The following ATG2B variants were observed in gnomAD, a reference collection of about 807,000 sequenced individuals.
ATG2B encodes the protein autophagy-related protein 2 homolog B.
Under a neutral mutation model 241.3 loss-of-function variants are expected in ATG2B, and 121 were observed. The ratio of observed to expected loss-of-function variants is 0.50; its 90% confidence interval spans 0.43 to 0.58. The LOEUF is 0.58. Ranked by LOEUF, ATG2B falls within the 20% of genes least tolerant of loss-of-function variation. The pLI is 0.00. For synonymous variants in ATG2B, 858 were observed against 876.6 expected (o/e 0.98, Z 0.37); for missense variants, 2,306 against 2,491.6 (o/e 0.93, Z 1.59).
Position 96,333,807 on chromosome 14 carries a change from T to A in ATG2B, c.1088A>T (p.Glu363Val). ...GTTTAATTCCATCTGAATTCGATAC[T>A]CGTCTTCCTGCTGCATGGGTCGATT... is the stretch of plus-strand genomic sequence containing the variant. The part of the protein sequence containing the change: ...RKNRPMQQED[E>V]YRIQMELNRY... Residue 363 changes from glutamate (E) to valine (V), a missense_variant, in exon 8 of 42, where the codon GAG (glutamate) becomes GTG (valine). This residue lies in a region of ATG2B where 1,927 missense variants were observed against 2,011.2 expected (regional missense o/e 0.96). Transcript: ENST00000359933. 1 of 1,614,000 alleles carries A rather than the reference T, an allele frequency of 6.2e-7. No individual in the cohort carries two copies. The highest frequency in any genetic ancestry group is 8.5e-7 in the Non-Finnish European group (1 of 1,179,900).
At position 96,308,270 on chromosome 14, in the gene ATG2B, A is replaced by G. The variant is rs867889075; in HGVS notation, c.4303+1183T>C. Reference sequence around the variant, plus strand: ...TATATATACACACATATATATATATATATATATATATATTTTTTTTTTTTT... The same window carrying G: ...TATATATACACACATATATATATATGTATATATATATATTTTTTTTTTTTT... On this transcript the variant is annotated intron_variant, in intron 29 of 41. Coordinates refer to ENST00000359933, the MANE Select transcript of ATG2B (RefSeq NM_018036.7). 1.3e-3 allele frequency among the ~76,000 whole-genome samples: 37 copies of G among 27,890 alleles called. 3 individuals are homozygous for G. Among genetic ancestry groups the G allele is most frequent in the Non-Finnish European group, 1.7e-3 (28 of 16,934 alleles). The allele number at this position is 27,890 out of a possible 152,430, so 18.3% of individuals were successfully genotyped here.
chr14:96,341,645 G>A lies in ATG2B; in HGVS notation c.801C>T (p.His267=), dbSNP rs768674345. The A allele has an allele frequency of 6.3e-6, 10 of 1,597,890 alleles. No homozygotes were observed. In the South Asian group the frequency reaches 1.0e-4, roughly 16 times the overall value. ...SWNPKIIYEP[H]PQLTRNLPEI... ...CTGGTAAATTTCTAGTTAGCTGTGG[G>A]TGTGGCTCATAAATAATTTTGGGGT... is the stretch of plus-strand genomic sequence containing the variant. Residue 267 remains histidine, a synonymous_variant, in exon 6 of 42, where the codon CAC becomes CAT. Transcript: ENST00000359933.
intron 14 of ATG2B, 26 bp downstream of exon 14, chr14:96,328,321 A>C: frequency 3.3e-6 from 5 of 1,523,940 alleles, no homozygotes; most frequent in Non-Finnish European, 2.7e-6. Flanking sequence ...AATTATGATT[A>C]GTATTTGCAG....
intron 18 of ATG2B, among the ~76,000 whole-genome samples, chr14:96,321,190 T>C (rs1887448410): frequency 6.6e-6 from 1 of 152,106 alleles, no homozygotes; most frequent in African/African-American, 2.4e-5. Flanking sequence ...CAGGGTTTAT[T>C]ACTAACATTT....
Position 96,303,058 on chromosome 14 carries a change from T to TA in ATG2B, c.5037+2dup, listed in dbSNP as rs1645764848. On this transcript the variant is annotated splice_region_variant and intron_variant, in intron 33 of 41. Coordinates refer to ENST00000359933, the MANE Select transcript of ATG2B (RefSeq NM_018036.7). ...ATAACACAACGATGAGGTTAACTCT[T>TA]ACCATGTTGGAGTGAGCTTTTCGAG... 6.4e-7 allele frequency: 1 copy of TA among 1,566,732 alleles called. No homozygotes were observed. The highest frequency in any genetic ancestry group is 1.2e-5 in the South Asian group (1 of 83,992).
Position 96,313,099 on chromosome 14 carries a change from T to C in ATG2B, c.3808A>G (p.Ser1270Gly). The change falls in exon 25 of 42, where the codon AGC becomes GGC. Residue 1270 changes from serine to glycine, a missense_variant. This residue lies in a region of ATG2B where 1,927 missense variants were observed against 2,011.2 expected (regional missense o/e 0.96). Transcript: ENST00000359933. ...LTVETFSVSS[S>G]VALDKSSSTL... ...GAGGAAGATTTATCCAATGCAACGCTACTGGAAACACTGAATGTTTCCACG... is the reference window on the plus strand; with the variant it reads ...GAGGAAGATTTATCCAATGCAACGCCACTGGAAACACTGAATGTTTCCACG... 1.2e-6 allele frequency: 2 copies of C among 1,613,384 alleles called. No individual in the cohort carries two copies. Among genetic ancestry groups the C allele is most frequent in the Non-Finnish European group, 8.5e-7 (1 of 1,179,500 alleles).
In ATG2B at chr14:96,303,233, T is replaced by A. The variant is rs545591952; in HGVS notation, c.4865A>T (p.Tyr1622Phe). 2.5e-6 allele frequency: 4 copies of A among 1,593,460 alleles called. No individual in the cohort carries two copies. The African/African-American group carries it at 5.4e-5, about 21-fold the overall frequency. ...ATCACAATCAGGTTTGCATGGCGGG[T>A]AGACTTCATGCTGAAACTTCACCTT... ...LSKVKFQHEV[Y>F]PPCKPDCDSS... Residue 1622 changes from tyrosine to phenylalanine, a missense_variant, in exon 33 of 42, where the codon TAC becomes TTC. Around this residue, in one of 2 missense-constraint regions of ATG2B, gnomAD observed 1,927 missense variants for 2,011.2 expected, o/e 0.96. Transcript: ENST00000359933.
intron 6 of ATG2B, among the ~76,000 whole-genome samples, chr14:96,339,379 G>A (rs1006222449): frequency 2.3e-4 from 35 of 151,298 alleles, no homozygotes; most frequent in African/African-American, 7.8e-4. Context: ...TGTATGTGGT[G>A]TATATACACA....
chr14:96,302,162 T>C, intron 33 of ATG2B, 54 bp from the exon 34 acceptor site: 1 of 1,118,128 alleles, frequency 8.9e-7, no homozygotes, highest in Non-Finnish European at 1.3e-6. Flanking sequence ...ATGACCTTCT[T>C]CTCTTTAAAA....
intron 34 of ATG2B, 119 bp downstream of exon 34, chr14:96,301,887 GT>G (rs1370473923): frequency 5.2e-5 from 37 of 716,902 alleles, no homozygotes; most frequent in South Asian, 5.0e-4. Flanking sequence ...TTTATCAGAA[GT>G]TTGCTTTATA....
chr14:96,327,094 G>C (rs932880842), intron 14 of ATG2B, among the ~76,000 whole-genome samples: 1 of 152,024 alleles, frequency 6.6e-6, no homozygotes, highest in South Asian at 2.1e-4. Context: ...AACTTAACCG[G>C]GTGTGGTGGC....
chr14:96,295,126 T>C lies in ATG2B; in HGVS notation c.5260A>G (p.Arg1754Gly), dbSNP rs545059875. The C allele has an allele frequency of 6.2e-7, 1 of 1,614,096 alleles. No homozygotes were observed. The highest frequency in any genetic ancestry group is 1.3e-5 in the African/African-American group (1 of 74,936). ...GGCTCCTTTGAGGTACTCAAATGCCTTGGCAAACTGCAGGTGACATCAGCT... is the reference window on the plus strand; with the variant it reads ...GGCTCCTTTGAGGTACTCAAATGCCCTGGCAAACTGCAGGTGACATCAGCT... ...PGADVTCSLPRHLSTSKEPNL... is the reference protein window; with the variant it reads ...PGADVTCSLPGHLSTSKEPNL... Residue 1754 changes from arginine (R) to glycine (G), a missense_variant, in exon 36 of 42, where the codon AGG (arginine) becomes GGG (glycine). Transcript: ENST00000359933.
Position 96,290,331 on chromosome 14 carries a change from C to G in ATG2B, c.5856+105G>C. 1 of 1,414,538 alleles carries G rather than the reference C, an allele frequency of 7.1e-7. No individual in the cohort carries two copies. Among genetic ancestry groups the G allele is most frequent in the Non-Finnish European group, 9.6e-7 (1 of 1,047,026 alleles). 87.6% of individuals were successfully genotyped at this position (1,414,538 alleles called of 1,614,324 possible). ...TAAATCACTACGAATAAAGTATCTACTCACAACATTTTGTATATCTTCACA... is the reference window on the plus strand; with the variant it reads ...TAAATCACTACGAATAAAGTATCTAGTCACAACATTTTGTATATCTTCACA... On this transcript the variant is annotated intron_variant, in intron 40 of 41. Transcript: ENST00000359933. The surrounding 1 kb of genome is among the most constrained non-coding windows in gnomAD (Gnocchi z 4.4).
At chr14:96,339,347 CAT>C (rs1234686502) in intron 6 of ATG2B, among the ~76,000 whole-genome samples, 5 of 150,398 alleles carry the variant, frequency 3.3e-5, no homozygotes, top group African/African-American at 9.8e-5. Context: ...TATACACAAA[CAT>C]ATATATACAC....
intron 18 of ATG2B, among the ~76,000 whole-genome samples, 197 bp downstream of exon 18, chr14:96,321,915 C>G (rs1566724815): frequency 6.6e-6 from 1 of 152,078 alleles, no homozygotes; most frequent in Non-Finnish European, 1.5e-5. Flanking sequence ...ATCTCACACA[C>G]CCGGCACCAC....
intron 25 of ATG2B, among the ~76,000 whole-genome samples, chr14:96,312,642 C>CTA (rs2139860294): frequency 6.6e-6 from 1 of 151,966 alleles, no homozygotes; most frequent in East Asian, 1.9e-4. Flanking sequence ...CCTAGCTACT[C>CTA]AGTAGGGTGA....
intron 22 of ATG2B, 29 bp downstream of exon 22, chr14:96,315,355 A>T (rs1412421256): frequency 6.2e-7 from 1 of 1,603,626 alleles, no homozygotes. Context: ...AATCAAATCA[A>T]CAGTGGCATA....
intron 15 of ATG2B, 70 bp downstream of exon 15, chr14:96,325,579 G>A (rs1427420655): frequency 6.4e-6 from 9 of 1,408,824 alleles, no homozygotes; most frequent in Non-Finnish European, 8.7e-6. Context: ...AGATACTTTT[G>A]TGATGTTAAG....
chr14:96,354,027 A>G lies in ATG2B; in HGVS notation c.163-6686T>C, dbSNP rs1888406434. ...TTATTCTCTACAACTATTTAAAATT[A>G]TAATAAAAAGTAAGTCAATTTTAAA... On this transcript the variant is annotated intron_variant, in intron 1 of 41. Transcript: ENST00000359933. Among the ~76,000 whole-genome samples the G allele has an allele frequency of 2.0e-5, 3 of 152,246 alleles. No individual in the cohort carries two copies. The South Asian group carries it at 6.2e-4, about 31-fold the overall frequency.
Sources: gnomAD v4.1 joint callset for allele counts (sites outside exome capture counted in the v4.1 genomes callset) on GRCh38, gnomAD v4.1.1 for gene constraint, gnomAD v4.1.1 regional missense constraint, Gnocchi (gnomAD v3.1) non-coding constraint, MANE v1.5 for transcripts, NCBI Gene and HGNC (gene_info 2026-07-23, HGNC 2026-07-21) for gene names.